EXOC2: variants seen among roughly 807,000 people sequenced by gnomAD.
EXOC2 encodes the protein exocyst complex component 2.
In EXOC2, 70 loss-of-function variants were observed where a neutral mutation model predicts 131.8. That is an observed-to-expected ratio of 0.53 (90% confidence interval 0.44 to 0.65). The LOEUF is 0.65. Ranked by LOEUF, EXOC2 falls within the 30% of genes least tolerant of loss-of-function variation. The probability of loss-of-function intolerance (pLI) is 0.00; values close to 1 mark genes in which losing one functional copy is unlikely to be tolerated. For synonymous variants in EXOC2, 411 were observed against 398.4 expected (o/e 1.03, Z -0.38); for missense variants, 923 against 1,108.6 (o/e 0.83, Z 2.38).
intron 13 of EXOC2, among the ~76,000 whole-genome samples, 192 bp downstream of exon 13, chr6:572,328 G>C (rs1758330624): frequency 6.6e-6 from 1 of 152,120 alleles, no homozygotes; most frequent in South Asian, 2.1e-4. Context: ...TGTACATGAG[G>C]AAAAGTGACT....
At chr6:618,901 C>A (rs1761144978) in intron 5 of EXOC2, among the ~76,000 whole-genome samples, 1 of 152,192 alleles carries the variant, frequency 6.6e-6, no homozygotes, top group Admixed American at 6.5e-5. Flanking sequence ...AAATAAGCTA[C>A]AAACTTGCTC....
chr6:532,249 C>T (rs1013998891), intron 23 of EXOC2, among the ~76,000 whole-genome samples: 1 of 152,194 alleles, frequency 6.6e-6, no homozygotes, highest in Admixed American at 6.5e-5. Context: ...ATTAATTATT[C>T]TCTAGAATTT....
Position 615,180 on chromosome 6 carries a change from T to G in EXOC2, c.661+2531A>C, listed in dbSNP as rs931504292. On this transcript the variant is annotated intron_variant, in intron 6 of 27. Transcript: ENST00000230449. ...GAGGTTTGAAAAGTATATGTGGGTGTGGGTGTGTGTGTGTGTGTGTGTGTG... is the reference window on the plus strand; with the variant it reads ...GAGGTTTGAAAAGTATATGTGGGTGGGGGTGTGTGTGTGTGTGTGTGTGTG... Among the ~76,000 whole-genome samples, 576 of 111,276 alleles carry G rather than the reference T, an allele frequency of 5.2e-3. 3 individuals are homozygous for G. The highest frequency in any genetic ancestry group is 0.024 in the African/African-American group (553 of 23,308). 73.0% of individuals were successfully genotyped at this position (111,276 alleles called of 152,430 possible).
intron 1 of EXOC2, among the ~76,000 whole-genome samples, chr6:684,020 G>T (rs1440183990): frequency 6.6e-6 from 1 of 152,182 alleles, no homozygotes; most frequent in African/African-American, 2.4e-5. Context: ...ATAAATTAAA[G>T]TAAACAGTGT....
chr6:653,424 T>C (rs1762921208), intron 1 of EXOC2, among the ~76,000 whole-genome samples: 1 of 152,216 alleles, frequency 6.6e-6, no homozygotes, highest in Non-Finnish European at 1.5e-5. Flanking sequence ...GATAACAAAC[T>C]AAAACAGCTT....
At chr6:624,614 T>C (rs1340510058) in intron 4 of EXOC2, among the ~76,000 whole-genome samples, 1 of 152,190 alleles carries the variant, frequency 6.6e-6, no homozygotes, top group Non-Finnish European at 1.5e-5. Flanking sequence ...CAGTCGAGAT[T>C]TGAACCTGGT....
chr6:640,468 A>G (rs1017001442), intron 1 of EXOC2, among the ~76,000 whole-genome samples: 1 of 152,226 alleles, frequency 6.6e-6, no homozygotes, highest in Admixed American at 6.5e-5. Context: ...GGCCTGAATT[A>G]TGCCCACCCA....
At chr6:508,929 C>A (rs1764707214) in intron 23 of EXOC2, among the ~76,000 whole-genome samples, 1 of 152,234 alleles carries the variant, frequency 6.6e-6, no homozygotes, top group South Asian at 2.1e-4. Context: ...CACATGCTCA[C>A]CAGCAGTTGG....
intron 1 of EXOC2, among the ~76,000 whole-genome samples, chr6:658,666 T>TTTTATATATATATATATATATATATATA (rs1763267306): frequency 1.8e-4 from 12 of 65,928 alleles, no homozygotes; most frequent in African/African-American, 5.5e-4. Context: ...TATATATATA[T>TTTTATATATATATATATATATATATATA]TTTTTTTTTT....
chr6:614,931 TAAG>T (rs1361642819), intron 6 of EXOC2, among the ~76,000 whole-genome samples: 2 of 72,894 alleles, frequency 2.7e-5, no homozygotes, highest in Non-Finnish European at 5.3e-5. Context: ...TAAAAACTAC[TAAG>T]GAGGAAAATT....
At chr6:655,230 G>A (rs1763017927) in intron 1 of EXOC2, among the ~76,000 whole-genome samples, 1 of 152,178 alleles carries the variant, frequency 6.6e-6, no homozygotes, top group South Asian at 2.1e-4. Context: ...GCTATCAAGA[G>A]GGAGGTAAAG....
At chr6:501,519 CTA>C (rs1308745855) in intron 23 of EXOC2, among the ~76,000 whole-genome samples, 2 of 3,696 alleles carry the variant, frequency 5.4e-4, no homozygotes, top group African/African-American at 1.2e-3. Flanking sequence ...TTATATATAT[CTA>C]TATATATTAT....
At chr6:493,806 T>A (rs1763570279) in intron 25 of EXOC2, among the ~76,000 whole-genome samples, 1 of 151,642 alleles carries the variant, frequency 6.6e-6, no homozygotes, top group Non-Finnish European at 1.5e-5. Flanking sequence ...CCCGAGGAGG[T>A]CTCAAAAACT....
chr6:654,075 A>G (rs1766846), intron 1 of EXOC2, among the ~76,000 whole-genome samples: 13 of 152,078 alleles, frequency 8.5e-5, no homozygotes, highest in Admixed American at 2.0e-4. Context: ...CCTCAGAAAA[A>G]AAGATTTCTT....
At chr6:589,775 G>A (rs1759429492) in intron 11 of EXOC2, among the ~76,000 whole-genome samples, 1 of 152,224 alleles carries the variant, frequency 6.6e-6, no homozygotes, top group South Asian at 2.1e-4. Context: ...GCTTGGCACG[G>A]AGGGAAGGGG....
At chr6:603,587 ATTAGG>A (rs577075782) in intron 7 of EXOC2, among the ~76,000 whole-genome samples, 114 of 152,182 alleles carry the variant, frequency 7.5e-4, no homozygotes, top group African/African-American at 2.7e-3. Context: ...AAATGCTAAT[ATTAGG>A]TTAATTTTTT....
At position 485,322 on chromosome 6, in the gene EXOC2, A is replaced by C. The variant is rs907465411; in HGVS notation, c.*1349T>G. 6 of 152,256 alleles carry C rather than the reference A, an allele frequency of 3.9e-5. No homozygotes were observed. The highest frequency in any genetic ancestry group is 1.3e-4 in the Admixed American group (2 of 15,286). 9.4% of individuals were successfully genotyped at this position (152,256 alleles called of 1,614,324 possible). A position where few individuals can be genotyped will look rare whatever the true frequency, so the allele number is the denominator to read the frequency against. On this transcript the variant is annotated 3_prime_UTR_variant, in exon 28 of 28. Transcript: ENST00000230449. ...GCTTTATCAAGCACATTTGTGAAAGATTAAACTTTCATTTCCAGTTACCAT... is the reference window on the plus strand; with the variant it reads ...GCTTTATCAAGCACATTTGTGAAAGCTTAAACTTTCATTTCCAGTTACCAT...
chr6:671,730 G>T (rs1169472366), intron 1 of EXOC2, among the ~76,000 whole-genome samples: 1 of 151,890 alleles, frequency 6.6e-6, no homozygotes, highest in East Asian at 1.9e-4. Flanking sequence ...ATGTAGGTGG[G>T]TCTTTTTTCC....
At chr6:541,719 GA>G (rs1018505534) in intron 22 of EXOC2, among the ~76,000 whole-genome samples, 3 of 152,150 alleles carry the variant, frequency 2.0e-5, no homozygotes, top group African/African-American at 7.2e-5. Flanking sequence ...GAAAAATATA[GA>G]TGACTACGAT....
Sources: allele counts gnomAD v4.1 joint callset (sites outside exome capture counted in the v4.1 genomes callset), GRCh38; gene constraint gnomAD v4.1.1; transcripts MANE v1.5; gene names NCBI Gene and HGNC (gene_info 2026-07-23, HGNC 2026-07-21).